Variants in ZBTB20 observed in about 807,000 individuals in gnomAD.
The protein encoded by ZBTB20 is zinc finger and BTB domain containing 20, also known as zinc finger and BTB domain-containing protein 20.
A neutral mutation model predicts 56.9 loss-of-function variants in ZBTB20; 9 were observed. The observed-to-expected ratio is 0.16, with a 90% CI of 0.10 to 0.28. The LOEUF (loss-of-function observed/expected upper bound fraction) is 0.28. Ranked by LOEUF, ZBTB20 falls within the 10% of genes least tolerant of loss-of-function variation. The pLI is 1.00. For missense variants in ZBTB20, 655 were observed against 1,003.0 expected (o/e 0.65, Z 4.69); for synonymous variants, 417 against 420.7 (o/e 0.99, Z 0.11).
intron 6 of ZBTB20, among the ~76,000 whole-genome samples, chr3:114,588,115 T>C (rs1029018848): frequency 4.6e-5 from 7 of 152,178 alleles, no homozygotes; most frequent in Non-Finnish European, 1.0e-4. Context: ...CAGGGGGCCT[T>C]CTTTTGTCAC....
chr3:114,438,426 C>CA (rs200877729), intron 7 of ZBTB20, among the ~76,000 whole-genome samples: 16,207 of 109,270 alleles, frequency 0.15, 1,104 homozygotes, highest in East Asian at 0.28. Flanking sequence ...CAAAAAAAAA[C>CA]AAAAAAAACC....
intron 5 of ZBTB20, among the ~76,000 whole-genome samples, chr3:114,778,982 T>C (rs1275138236): frequency 6.6e-6 from 1 of 152,158 alleles, no homozygotes; most frequent in Non-Finnish European, 1.5e-5. Flanking sequence ...CTAATAGTTA[T>C]CCCTATACAC....
chr3:114,993,948 C>A (rs2078923998), intron 2 of ZBTB20, among the ~76,000 whole-genome samples: 1 of 151,656 alleles, frequency 6.6e-6, no homozygotes, highest in South Asian at 2.1e-4. Flanking sequence ...TAGAGAGTAT[C>A]AGCAAAACCA....
chr3:115,095,817 T>C (rs2083361412), intron 1 of ZBTB20, among the ~76,000 whole-genome samples: 1 of 152,220 alleles, frequency 6.6e-6, no homozygotes, highest in African/African-American at 2.4e-5. Flanking sequence ...TAGGAAAACA[T>C]GAATTCAGGT....
chr3:114,352,038 T>TATGTA, intron 10 of ZBTB20, 160 bp from the exon 11 acceptor site: 1 of 919,182 alleles, frequency 1.1e-6, no homozygotes, highest in Non-Finnish European at 1.6e-6. Flanking sequence ...ATACAAGCTG[T>TATGTA]AGGTACGATG....
chr3:115,098,368 T>A (rs759540687), intron 1 of ZBTB20, among the ~76,000 whole-genome samples: 1 of 152,202 alleles, frequency 6.6e-6, no homozygotes, highest in Non-Finnish European at 1.5e-5. Context: ...ATGTACACTT[T>A]TGACATACAG....
intron 6 of ZBTB20, among the ~76,000 whole-genome samples, chr3:114,619,848 T>C (rs1489320647): frequency 2.0e-5 from 3 of 152,210 alleles, no homozygotes; most frequent in African/African-American, 7.2e-5. Flanking sequence ...CTGCTCTTTA[T>C]TGTGCTGTAT....
chr3:114,844,330 A>AATATATAT (rs71146341), intron 4 of ZBTB20, among the ~76,000 whole-genome samples: 1,991 of 98,606 alleles, frequency 0.02, 70 homozygotes, highest in African/African-American at 0.042. Flanking sequence ...TACTGGAGTA[A>AATATATAT]ATATATATAT....
chr3:115,032,060 G>T (rs1367460944), intron 2 of ZBTB20, among the ~76,000 whole-genome samples: 2 of 151,398 alleles, frequency 1.3e-5, no homozygotes, highest in African/African-American at 4.8e-5. Context: ...TTGTTTAAAT[G>T]AGCTAAATTA....
chr3:114,854,107 A>G (rs1172982030), intron 4 of ZBTB20, among the ~76,000 whole-genome samples: 2 of 152,166 alleles, frequency 1.3e-5, no homozygotes, highest in African/African-American at 2.4e-5. Context: ...TTATTAATAA[A>G]GTTTTGACAC....
chr3:114,916,399 T>C (rs1297637270), intron 3 of ZBTB20, among the ~76,000 whole-genome samples: 1 of 152,110 alleles, frequency 6.6e-6, no homozygotes, highest in African/African-American at 2.4e-5. Context: ...ATTACAGTAT[T>C]ATAATGTTGT....
intron 2 of ZBTB20, among the ~76,000 whole-genome samples, chr3:114,990,226 A>C (rs2078741748): frequency 1.3e-5 from 2 of 152,224 alleles, no homozygotes; most frequent in South Asian, 4.1e-4. Context: ...TCAGTATGAT[A>C]TTGGCTGTGG....
intron 3 of ZBTB20, among the ~76,000 whole-genome samples, chr3:114,919,704 CAA>C (rs974195153): frequency 4.0e-5 from 5 of 125,786 alleles, no homozygotes; most frequent in Admixed American, 1.6e-4. Context: ...GACTCCATCT[CAA>C]AAAAAAAAAA....
chr3:114,528,730 C>T (rs1303952502), intron 6 of ZBTB20: 2 of 152,172 alleles, frequency 1.3e-5, no homozygotes, highest in African/African-American at 2.4e-5. Flanking sequence ...TCCCCAGGCT[C>T]CTCACTTCTG....
At chr3:114,930,200 C>T (rs2076303828) in intron 3 of ZBTB20, among the ~76,000 whole-genome samples, 1 of 152,030 alleles carries the variant, frequency 6.6e-6, no homozygotes, top group Non-Finnish European at 1.5e-5. Context: ...GGAAACGGAG[C>T]GAACTTTAGG....
In ZBTB20 at chr3:114,461,304, C is replaced by G. The variant is rs1045759452; in HGVS notation, c.-255+39048G>C. Among the ~76,000 whole-genome samples, 54 of 151,486 alleles carry G rather than the reference C, an allele frequency of 3.6e-4. 1 individual carries two copies. Among genetic ancestry groups the G allele is most frequent in the Admixed American group, 2.4e-3 (36 of 15,200 alleles). On this transcript the variant is annotated intron_variant, in intron 7 of 11. Coordinates refer to ENST00000675478, the MANE Select transcript of ZBTB20 (RefSeq NM_001348800.3). The stretch of plus-strand genomic sequence containing the variant: ...CAAACAAAACAATCTCCTCCCCCCC[C>G]CCTCTTTTTTTTTGAGACAGGGTCT...
chr3:114,888,934 T>C (rs1449344135), intron 4 of ZBTB20, among the ~76,000 whole-genome samples: 1 of 152,156 alleles, frequency 6.6e-6, no homozygotes, highest in African/African-American at 2.4e-5. Context: ...CAGATAGTCC[T>C]ACCTTATTTA....
chr3:114,762,269 A>T (rs1278492799), intron 5 of ZBTB20, among the ~76,000 whole-genome samples: 2 of 152,202 alleles, frequency 1.3e-5, no homozygotes, highest in East Asian at 3.8e-4. Context: ...TCACTGGGGA[A>T]GCCACCACTC....
rs373583112 is a variant in ZBTB20, at chr3:114,748,350, T to TCTCTCTCTCTC, written c.-343+52750_-343+52751insGAGAGAGAGAG. Among the ~76,000 whole-genome samples the TCTCTCTCTCTC allele has an allele frequency of 5.9e-3, 173 of 29,282 alleles. 2 individuals carry two copies. The highest frequency in any genetic ancestry group is 0.016 in the Middle Eastern group (1 of 62). The allele number at this position is 29,282 out of a possible 152,430, so 19.2% of individuals were successfully genotyped here. On this transcript the variant is annotated intron_variant, in intron 5 of 11. Transcript: ENST00000675478. ...TCTTTCTTTCTTCTTTCTTTCTTTCTTTTCTCTCTCTCTCTCTCTCTCTCT... is the reference window on the plus strand; with the variant it reads ...TCTTTCTTTCTTCTTTCTTTCTTTCTCTCTCTCTCTCTTTCTCTCTCTCTCTCTCTCTCTCT...
Sources: allele counts gnomAD v4.1 joint callset (sites outside exome capture counted in the v4.1 genomes callset), GRCh38; gene constraint gnomAD v4.1.1; transcripts MANE v1.5; gene names NCBI Gene and HGNC (gene_info 2026-07-23, HGNC 2026-07-21).